Variants in HIVEP2 observed in about 807,000 individuals in gnomAD.
HIVEP2 encodes transcription factor HIVEP2.
A neutral mutation model predicts 180.7 loss-of-function variants in HIVEP2; 14 were observed. That is an observed-to-expected ratio of 0.08 (90% CI 0.05 to 0.12). The LOEUF (loss-of-function observed/expected upper bound fraction) is 0.12. HIVEP2 is among the 10% of genes least tolerant of loss of function. The pLI is 1.00. For missense variants in HIVEP2, 2,579 were observed against 3,008.5 expected, an observed-to-expected ratio of 0.86 and a Z score of 3.34; for synonymous variants, 1,184 against 1,136.4, an observed-to-expected ratio of 1.04 and a Z score of -0.84.
chr6:142,827,300 A>T (rs1774931531), intron 2 of HIVEP2, among the ~76,000 whole-genome samples: 1 of 152,222 alleles, frequency 6.6e-6, no homozygotes, highest in African/African-American at 2.4e-5. Context: ...ATCTTAACAA[A>T]GCAATTTCTG....
rs1775499355 is a variant in HIVEP2 at position 142,770,471 on chromosome 6, A to G, written c.4268T>C (p.Leu1423Ser). The G allele has an allele frequency of 2.5e-6, 4 of 1,614,164 alleles. No homozygotes were observed. Among genetic ancestry groups the G allele is most frequent in the Non-Finnish European group, 3.4e-6 (4 of 1,180,036 alleles). Residue 1423 changes from leucine to serine, a missense_variant, in exon 5 of 10, where the codon TTG (leucine) becomes TCG (serine). Leu to Ser is a moderately radical substitution (Grantham distance 145). Coordinates refer to ENST00000367603, the MANE Select transcript of HIVEP2 (RefSeq NM_006734.4). This position sits in a 1 kb window ranked among gnomAD's most constrained non-coding sequence, Gnocchi z 4.7. Reference sequence around the variant, plus strand: ...GCTGTCAGAGGTGGAAGGTAAACACAAGGGGATGGAGGATTCTAAGCCGAG... The same window carrying G: ...GCTGTCAGAGGTGGAAGGTAAACACGAGGGGATGGAGGATTCTAAGCCGAG... ...LPLGLESSIP[L>S]CLPSTSDSVA...
intron 6 of HIVEP2, 145 bp downstream of exon 6, chr6:142,768,237 C>T: frequency 1.5e-6 from 1 of 685,104 alleles, no homozygotes; most frequent in Admixed American, 3.2e-5. Context: ...GATCTATTAC[C>T]AGCCAGAGTT....
At chr6:142,929,593 T>C (rs1777894768) in intron 1 of HIVEP2, among the ~76,000 whole-genome samples, 2 of 152,186 alleles carry the variant, frequency 1.3e-5, no homozygotes, top group African/African-American at 4.8e-5. Context: ...ACTTTCTCTT[T>C]AGAAAAAAAT....
Position 142,770,828 on chromosome 6 carries a change from T to C in HIVEP2, c.3911A>G (p.Lys1304Arg), listed in dbSNP as rs774851599. 7 of 1,614,112 alleles carry C rather than the reference T, an allele frequency of 4.3e-6. No individual in the cohort carries two copies. In the African/African-American group the frequency reaches 9.3e-5, roughly 22 times the overall value. Residue 1304 changes from lysine to arginine, a missense_variant, in exon 5 of 10, where the codon AAG (lysine) becomes AGG (arginine). Physicochemically the swap from Lys to Arg is conservative, Grantham distance 26 (BLOSUM62 2). Coordinates refer to ENST00000367603, the MANE Select transcript of HIVEP2 (RefSeq NM_006734.4). This position sits in a 1 kb window ranked among gnomAD's most constrained non-coding sequence, Gnocchi z 4.7. ...LPKFPSDQSS[K>R]STETPSEQVL... Reference sequence around the variant, plus strand: ...CTGCTCAGAGGGCGTTTCAGTTGACTTACTGCTCTGGTCTGATGGAAACTT... The same window carrying C: ...CTGCTCAGAGGGCGTTTCAGTTGACCTACTGCTCTGGTCTGATGGAAACTT...
intron 3 of HIVEP2, among the ~76,000 whole-genome samples, chr6:142,777,648 C>CAAAAAAAAAAAAA (rs58304452): frequency 2.5e-4 from 7 of 27,674 alleles, no homozygotes; most frequent in African/African-American, 5.2e-4. Flanking sequence ...AACTCCATCT[C>CAAAAAAAAAAAAA]AAAAAAAAAA....
chr6:142,878,833 A>G (rs551634453), intron 1 of HIVEP2, among the ~76,000 whole-genome samples: 1 of 152,228 alleles, frequency 6.6e-6, no homozygotes, highest in African/African-American at 2.4e-5. Flanking sequence ...CATCCTAATT[A>G]CAGAAATCCT....
rs376160682 is a variant in HIVEP2 at position 142,771,461 on chromosome 6, G to A, written c.3278C>T (p.Ser1093Phe). The change falls in exon 5 of 10, where the codon TCC becomes TTC. Residue 1093 changes from serine to phenylalanine, a missense_variant. Around this residue, in one of 11 missense-constraint regions of HIVEP2, gnomAD observed 523 missense variants for 577.0 expected, o/e 0.91. Transcript: ENST00000367603. This position sits in a 1 kb window ranked among gnomAD's most constrained non-coding sequence, Gnocchi z 5.4. ...CTGATCCATGCCAACCTCGCCCTGGGAGATTTCTGGGGAGCCACTGAAGGA... is the reference window on the plus strand; with the variant it reads ...CTGATCCATGCCAACCTCGCCCTGGAAGATTTCTGGGGAGCCACTGAAGGA... The part of the protein sequence containing the change: ...QASFSGSPEI[S>F]QGEVGMDQSV... The A allele has an allele frequency of 6.2e-6, 10 of 1,613,584 alleles. No individual in the cohort carries two copies. In the Admixed American group the frequency reaches 1.7e-4, roughly 27 times the overall value.
chr6:142,757,129 A>G (rs1775097821), intron 9 of HIVEP2, among the ~76,000 whole-genome samples: 1 of 152,168 alleles, frequency 6.6e-6, no homozygotes, highest in Non-Finnish European at 1.5e-5. Context: ...CTCCAAACGC[A>G]GGCAGAATAT....
chr6:142,821,379 T>C (rs1024290969), intron 2 of HIVEP2, among the ~76,000 whole-genome samples: 2 of 151,970 alleles, frequency 1.3e-5, no homozygotes, highest in Non-Finnish European at 2.9e-5. Flanking sequence ...AGCATTAAAG[T>C]AATAACTGGA....
At chr6:142,818,789 GAAAAAGA>G (rs752841108) in intron 2 of HIVEP2, among the ~76,000 whole-genome samples, 35 of 122,346 alleles carry the variant, frequency 2.9e-4, no homozygotes, top group Non-Finnish European at 3.9e-4. Flanking sequence ...AAGAAAGAAA[GAAAAAGA>G]AAAGAAAAAG....
chr6:142,895,540 G>A (rs1582948503), intron 1 of HIVEP2, among the ~76,000 whole-genome samples: 1 of 152,080 alleles, frequency 6.6e-6, no homozygotes, highest in South Asian at 2.1e-4. Flanking sequence ...TCTACATACT[G>A]GGATAAATCA....
At position 142,904,051 on chromosome 6, in the gene HIVEP2, A is replaced by G. The variant is rs545548182; in HGVS notation, c.-641+41048T>C. Among the ~76,000 whole-genome samples, 6 of 152,324 alleles carry G rather than the reference A, an allele frequency of 3.9e-5. No homozygotes were observed. In the South Asian group the frequency reaches 8.3e-4, roughly 21 times the overall value. On this transcript the variant is annotated intron_variant, in intron 1 of 9. Transcript: ENST00000367603. ...GGCAGGAAGTGACTGAGATGCAGCA[A>G]GCTCACTTACCTCAGACTAAACACA...
At position 142,806,795 on chromosome 6, in the gene HIVEP2, C is replaced by T. The variant is rs546801414; in HGVS notation, c.-527-23180G>A. ...TCAGCTTTTTGCATATACATTATCTCATTTAGTCATCAAAACAACCCTAGG... is the reference window on the plus strand; with the variant it reads ...TCAGCTTTTTGCATATACATTATCTTATTTAGTCATCAAAACAACCCTAGG... On this transcript the variant is annotated intron_variant, in intron 2 of 9. Transcript: ENST00000367603. Among the ~76,000 whole-genome samples the T allele has an allele frequency of 1.9e-3, 289 of 152,224 alleles. 3 individuals are homozygous for T. The highest frequency in any genetic ancestry group is 6.4e-3 in the African/African-American group (266 of 41,558).
At chr6:142,825,623 T>G (rs975584608) in intron 2 of HIVEP2, among the ~76,000 whole-genome samples, 1 of 152,202 alleles carries the variant, frequency 6.6e-6, no homozygotes, top group Non-Finnish European at 1.5e-5. Flanking sequence ...ATTATAAAAA[T>G]GTGTAAGGTC....
At chr6:142,758,234 T>C (rs1403821296) in intron 9 of HIVEP2, among the ~76,000 whole-genome samples, 1 of 152,242 alleles carries the variant, frequency 6.6e-6, no homozygotes, top group East Asian at 1.9e-4. Flanking sequence ...TTTGTTAGCT[T>C]GGTAAACAAC....
intron 1 of HIVEP2, among the ~76,000 whole-genome samples, chr6:142,915,679 C>T (rs542207025): frequency 7.6e-4 from 116 of 152,228 alleles, no homozygotes; most frequent in Middle Eastern, 3.4e-3. Flanking sequence ...TGGCATCACT[C>T]CCTTGAATCA....
At chr6:142,823,757 T>A (rs1777103973) in intron 2 of HIVEP2, among the ~76,000 whole-genome samples, 1 of 152,226 alleles carries the variant, frequency 6.6e-6, no homozygotes, top group African/African-American at 2.4e-5. Flanking sequence ...GTATGAAGCA[T>A]GATGCCAATT....
Position 142,772,103 on chromosome 6 carries a change from C to T in HIVEP2, c.2636G>A (p.Arg879Lys). ...CTGGATGTTGTGTTGCCGAACTAGC[C>T]TGGGCTGTGTGTGATAGGACTGCTG... The part of the protein sequence containing the change: ...VQQQSYHTQP[R>K]LVRQHNIQVP... Residue 879 changes from arginine to lysine, a missense_variant, in exon 5 of 10, where the codon AGG (arginine) becomes AAG (lysine). Physicochemically the swap from Arg to Lys is conservative, Grantham distance 26. This residue lies in a region of HIVEP2 where 51 missense variants were observed against 102.8 expected (regional missense o/e 0.50). Coordinates refer to ENST00000367603, the MANE Select transcript of HIVEP2 (RefSeq NM_006734.4). This position sits in a 1 kb window ranked among gnomAD's most constrained non-coding sequence, Gnocchi z 4.9. The T allele has an allele frequency of 6.2e-7, 1 of 1,614,176 alleles. No individual in the cohort carries two copies. Among genetic ancestry groups the T allele is most frequent in the Non-Finnish European group, 8.5e-7 (1 of 1,180,028 alleles).
chr6:142,766,566 C>T (rs1024060697), intron 6 of HIVEP2, among the ~76,000 whole-genome samples: 3 of 152,146 alleles, frequency 2.0e-5, no homozygotes, highest in African/African-American at 7.2e-5. Context: ...TTACTATAGC[C>T]TGCCATCATA....
Sources: gnomAD v4.1 joint callset for allele counts (sites outside exome capture counted in the v4.1 genomes callset) on GRCh38, gnomAD v4.1.1 for gene constraint, gnomAD v4.1.1 regional missense constraint, Gnocchi (gnomAD v3.1) non-coding constraint, MANE v1.5 for transcripts, NCBI Gene and HGNC (gene_info 2026-07-23, HGNC 2026-07-21) for gene names.